Variants in CDH9 observed in about 807,000 individuals in gnomAD.
CDH9 encodes cadherin-9.
Under a neutral mutation model 70.9 loss-of-function variants are expected in CDH9, and 28 were observed. The ratio of observed to expected loss-of-function variants is 0.40; its 90% CI spans 0.29 to 0.54. The LOEUF is 0.54. CDH9 is among the 20% of genes least tolerant of loss of function. The probability of loss-of-function intolerance (pLI) is 0.59; values close to 1 mark genes in which losing one functional copy is unlikely to be tolerated. For missense variants in CDH9, 874 were observed against 984.4 expected, an observed-to-expected ratio of 0.89 and a Z score of 1.50; for synonymous variants, 409 against 343.1, an observed-to-expected ratio of 1.19 and a Z score of -2.12.
At chr5:27,007,405 T>C (rs1343096002) in intron 1 of CDH9, among the ~76,000 whole-genome samples, 1 of 152,034 alleles carries the variant, frequency 6.6e-6, no homozygotes, top group African/African-American at 2.4e-5. Context: ...ATTAAACAGC[T>C]ATATAAGGGC....
At chr5:26,937,189 A>T (rs1741573687) in intron 2 of CDH9, among the ~76,000 whole-genome samples, 1 of 152,184 alleles carries the variant, frequency 6.6e-6, no homozygotes, top group Non-Finnish European at 1.5e-5. Flanking sequence ...GAAAATAAAT[A>T]GCCCAATTAG....
At chr5:26,887,474 T>A (rs535551036) in intron 9 of CDH9, among the ~76,000 whole-genome samples, 44 of 150,160 alleles carry the variant, frequency 2.9e-4, no homozygotes, top group African/African-American at 9.9e-4. Context: ...TAATTATAAT[T>A]AGTTAATATT....
intron 2 of CDH9, among the ~76,000 whole-genome samples, chr5:26,920,089 T>G (rs1179526493): frequency 1.3e-5 from 2 of 151,978 alleles, no homozygotes; most frequent in Admixed American, 1.3e-4. Flanking sequence ...GGGTACCAAT[T>G]ATGGGCCTTG....
intron 2 of CDH9, among the ~76,000 whole-genome samples, chr5:26,933,391 T>C (rs1741498562): frequency 6.6e-6 from 1 of 151,628 alleles, no homozygotes; most frequent in Non-Finnish European, 1.5e-5. Flanking sequence ...AAGAAGTCAA[T>C]GAAATCGACA....
intron 1 of CDH9, among the ~76,000 whole-genome samples, chr5:27,029,879 T>C (rs911778360): frequency 1.3e-5 from 2 of 151,972 alleles, no homozygotes; most frequent in African/African-American, 4.8e-5. Flanking sequence ...GACATCGCTA[T>C]GACATGGAAG....
rs889943632 is a variant in CDH9 at position 26,956,380 on chromosome 5, T to A, written c.228+31726A>T. On this transcript the variant is annotated intron_variant, in intron 2 of 11. Transcript: ENST00000231021. ...TGTAAATTGCCCAGTCTCTGGTATG[T>A]CTTTATCAGCAGTGTGAAAATGGAC... Among the ~76,000 whole-genome samples the A allele has an allele frequency of 6.6e-5, 10 of 152,198 alleles. 1 individual carries two copies. The highest frequency in any genetic ancestry group is 3.3e-4 in the Admixed American group (5 of 15,284).
chr5:26,921,119 T>C (rs574988202), intron 2 of CDH9, among the ~76,000 whole-genome samples: 1 of 151,956 alleles, frequency 6.6e-6, no homozygotes, highest in Non-Finnish European at 1.5e-5. Flanking sequence ...TAGCTAGACA[T>C]GAGCAGGAGG....
At chr5:27,036,336 C>T (rs1003856682) in intron 1 of CDH9, among the ~76,000 whole-genome samples, 4 of 151,846 alleles carry the variant, frequency 2.6e-5, no homozygotes, top group African/African-American at 9.7e-5. Context: ...TTCAGATGAG[C>T]TTCTGATTCA....
intron 1 of CDH9, among the ~76,000 whole-genome samples, chr5:27,027,228 C>T (rs970608522): frequency 2.6e-5 from 4 of 151,978 alleles, no homozygotes; most frequent in African/African-American, 9.7e-5. Flanking sequence ...GTAATATAAA[C>T]TTGCAACACA....
intron 2 of CDH9, among the ~76,000 whole-genome samples, chr5:26,947,675 C>T (rs1402265791): frequency 6.6e-6 from 1 of 152,042 alleles, no homozygotes. Flanking sequence ...AGAGCAGCAC[C>T]GTGAAGCTCT....
At chr5:27,023,722 G>T (rs1406119576) in intron 1 of CDH9, among the ~76,000 whole-genome samples, 1 of 151,936 alleles carries the variant, frequency 6.6e-6, no homozygotes, top group Non-Finnish European at 1.5e-5. Flanking sequence ...ATCCAACAGA[G>T]ATAAAATCTT....
At chr5:26,949,575 A>G (rs1741809893) in intron 2 of CDH9, among the ~76,000 whole-genome samples, 1 of 152,208 alleles carries the variant, frequency 6.6e-6, no homozygotes, top group Non-Finnish European at 1.5e-5. Flanking sequence ...TTCTCACAGA[A>G]GAAACATTGA....
At chr5:26,893,104 G>C (rs979321063) in intron 7 of CDH9, among the ~76,000 whole-genome samples, 1 of 152,100 alleles carries the variant, frequency 6.6e-6, no homozygotes, top group Non-Finnish European at 1.5e-5. Context: ...TGTTTGAATT[G>C]TTTATTAAAG....
chr5:27,008,221 C>A (rs1022989387), intron 1 of CDH9, among the ~76,000 whole-genome samples: 2 of 151,954 alleles, frequency 1.3e-5, no homozygotes, highest in Non-Finnish European at 2.9e-5. Flanking sequence ...ATAAACCGGG[C>A]GGGGTGGCTC....
At chr5:26,954,147 TACA>T (rs982691893) in intron 2 of CDH9, among the ~76,000 whole-genome samples, 17 of 152,252 alleles carry the variant, frequency 1.1e-4, no homozygotes, top group African/African-American at 4.1e-4. Flanking sequence ...TGTAATTTGG[TACA>T]ACTTCTTTAA....
intron 7 of CDH9, among the ~76,000 whole-genome samples, chr5:26,898,561 GA>G (rs964839617): frequency 1.2e-4 from 19 of 152,260 alleles, no homozygotes; most frequent in African/African-American, 4.3e-4. Flanking sequence ...ACAAAAGCAA[GA>G]AATGGGGAAA....
intron 1 of CDH9, among the ~76,000 whole-genome samples, chr5:27,025,096 T>C (rs1743199734): frequency 6.6e-6 from 1 of 152,120 alleles, no homozygotes; most frequent in South Asian, 2.1e-4. Context: ...TTGGGTATTA[T>C]TTATTTCTTA....
intron 3 of CDH9, among the ~76,000 whole-genome samples, chr5:26,907,952 C>A (rs2111994285): frequency 6.6e-6 from 1 of 152,164 alleles, no homozygotes; most frequent in Non-Finnish European, 1.5e-5. Context: ...GGATGTTTCT[C>A]AAATGTTGCG....
At chr5:26,882,853 C>T (rs1411032270) in intron 11 of CDH9, among the ~76,000 whole-genome samples, 1 of 151,356 alleles carries the variant, frequency 6.6e-6, no homozygotes, top group Non-Finnish European at 1.5e-5. Context: ...TGAGACTACA[C>T]TTCAACATGG....
Sources: gnomAD v4.1 joint callset for allele counts (sites outside exome capture counted in the v4.1 genomes callset) on GRCh38, gnomAD v4.1.1 for gene constraint, MANE v1.5 for transcripts, NCBI Gene and HGNC (gene_info 2026-07-23, HGNC 2026-07-21) for gene names.